The following MED13 variants were observed in gnomAD, a reference collection of about 807,000 sequenced individuals.
The protein encoded by MED13 is mediator of RNA polymerase II transcription subunit 13.
In MED13, 23 loss-of-function variants were observed where a neutral mutation model predicts 225.2. The observed-to-expected ratio is 0.10, with a 90% CI of 0.07 to 0.14. The LOEUF (loss-of-function observed/expected upper bound fraction) is 0.14, where lower values mean the gene tolerates loss of function less well. Among genes scored for constraint, MED13 ranks in the 10% least tolerant of loss-of-function variants. MED13 has a pLI of 1.00. For missense variants in MED13, 2,197 were observed against 2,594.5 expected, an observed-to-expected ratio of 0.85 and a Z score of 3.33; for synonymous variants, 942 against 889.2, an observed-to-expected ratio of 1.06 and a Z score of -1.06.
chr17:62,046,073 A>G (rs1046505513), intron 3 of MED13, among the ~76,000 whole-genome samples: 5 of 152,228 alleles, frequency 3.3e-5, no homozygotes, highest in African/African-American at 7.2e-5. Flanking sequence ...CAGAATACTT[A>G]TACCAAAAGT....
chr17:62,063,976 C>A (rs77756374), intron 1 of MED13, among the ~76,000 whole-genome samples: 1 of 152,044 alleles, frequency 6.6e-6, no homozygotes, highest in Non-Finnish European at 1.5e-5. Context: ...ATACTGTAGA[C>A]GAGGATAGAG....
chr17:62,021,456 C>T (rs1474487773), intron 8 of MED13, among the ~76,000 whole-genome samples: 1 of 151,434 alleles, frequency 6.6e-6, no homozygotes, highest in Non-Finnish European at 1.5e-5. Flanking sequence ...GGCGGCTGGC[C>T]GGGCAGAGGG....
At chr17:62,030,117 C>G in intron 6 of MED13, 104 bp from the exon 7 acceptor site, 1 of 1,056,834 alleles carries the variant, frequency 9.5e-7, no homozygotes, top group Non-Finnish European at 1.3e-6. Flanking sequence ...CTCCAGCTAT[C>G]TGGTAAAATT....
chr17:61,956,570 T>A (rs2079946799), intron 23 of MED13, 89 bp from the exon 24 acceptor site: 1 of 1,330,336 alleles, frequency 7.5e-7, no homozygotes, highest in Admixed American at 2.1e-5. Flanking sequence ...AGTCTCACTC[T>A]GTCACCCAGG....
chr17:62,062,600 CCA>C (rs58730188), intron 2 of MED13, among the ~76,000 whole-genome samples: 22,078 of 136,126 alleles, frequency 0.16, 1,881 homozygotes, highest in Middle Eastern at 0.21. Flanking sequence ...CACACACACA[CCA>C]CACACACACA....
chr17:62,032,258 G>C (rs1021212832), intron 5 of MED13: 1 of 151,918 alleles, frequency 6.6e-6, no homozygotes, highest in African/African-American at 2.4e-5. Context: ...TGGGTCATTT[G>C]AAGTCAGGAG....
Position 61,955,849 on chromosome 17 carries a change from C to G in MED13, c.5624-11G>C. The G allele has an allele frequency of 3.5e-6, 1 of 284,762 alleles. No individual in the cohort carries two copies. Among genetic ancestry groups the G allele is most frequent in the Non-Finnish European group, 5.6e-6 (1 of 179,716 alleles). 17.6% of individuals were successfully genotyped at this position (284,762 alleles called of 1,614,324 possible). On this transcript the variant is annotated splice_polypyrimidine_tract_variant and intron_variant, in intron 24 of 29. Transcript: ENST00000397786. Reference sequence around the variant, plus strand: ...GCAAACAGCTCCAATCTGTGGGTATCAACAGTAAAAAAAAAAAAAAAAAAA... The same window carrying G: ...GCAAACAGCTCCAATCTGTGGGTATGAACAGTAAAAAAAAAAAAAAAAAAA...
chr17:62,035,350 T>C, intron 4 of MED13, 113 bp downstream of exon 4: 1 of 929,790 alleles, frequency 1.1e-6, no homozygotes, highest in Non-Finnish European at 1.5e-6. Flanking sequence ...ATCAAAATCA[T>C]CATTAGGCTA....
In MED13 at chr17:61,998,953, G is replaced by A. The variant is rs115154062; in HGVS notation, c.1968-3588C>T. Among the ~76,000 whole-genome samples, 968 of 110,574 alleles carry A rather than the reference G, an allele frequency of 8.8e-3. 13 individuals are homozygous for A. Among genetic ancestry groups the A allele is most frequent in the African/African-American group, 0.032 (926 of 28,980 alleles). 72.5% of individuals were successfully genotyped at this position (110,574 alleles called of 152,430 possible). A position where few individuals can be genotyped will look rare whatever the true frequency, so the allele number is the denominator to read the frequency against. On this transcript the variant is annotated intron_variant, in intron 9 of 29. Coordinates refer to ENST00000397786, the MANE Select transcript of MED13 (RefSeq NM_005121.3). ...TTTTTTTTTTTTTTTTTTTTTTACCGTCTCCTATATTCAGAATCAATCCCT... is the reference window on the plus strand; with the variant it reads ...TTTTTTTTTTTTTTTTTTTTTTACCATCTCCTATATTCAGAATCAATCCCT...
chr17:61,953,175 G>T, intron 26 of MED13, 62 bp from the exon 27 acceptor site: 2 of 1,505,748 alleles, frequency 1.3e-6, no homozygotes, highest in Non-Finnish European at 1.8e-6. Context: ...GTCATTCACA[G>T]GAAAGGGTCA....
intron 3 of MED13, among the ~76,000 whole-genome samples, chr17:62,049,086 A>AAAAAAAAAAAAAAAAAAG: frequency 6.6e-6 from 1 of 150,476 alleles, no homozygotes; most frequent in African/African-American, 2.5e-5. Flanking sequence ...GACAAAAAAA[A>AAAAAAAAAAAAAAAAAAG]AAAAAAAAAG....
chr17:62,053,727 G>A (rs1473090722), intron 2 of MED13, among the ~76,000 whole-genome samples: 1 of 152,062 alleles, frequency 6.6e-6, no homozygotes, highest in Non-Finnish European at 1.5e-5. Flanking sequence ...AAAGACAAAC[G>A]TTTCTCAATT....
intron 8 of MED13, among the ~76,000 whole-genome samples, chr17:62,023,222 T>C (rs972983482): frequency 6.6e-6 from 1 of 152,202 alleles, no homozygotes; most frequent in South Asian, 2.1e-4. Flanking sequence ...GAATTTTTTT[T>C]CTTCCCAAAT....
intron 16 of MED13, among the ~76,000 whole-genome samples, chr17:61,975,272 C>T (rs564551922): frequency 1.3e-5 from 2 of 152,108 alleles, no homozygotes; most frequent in South Asian, 2.1e-4. Flanking sequence ...ACATAAAAAC[C>T]TAATTTTAAA....
chr17:62,013,145 A>G (rs990156005), intron 8 of MED13, among the ~76,000 whole-genome samples: 4 of 152,188 alleles, frequency 2.6e-5, no homozygotes, highest in Non-Finnish European at 4.4e-5. Context: ...GAGAAAAAAA[A>G]GAACCAAAGT....
chr17:61,992,210 A>G (rs565918163), intron 11 of MED13, among the ~76,000 whole-genome samples: 2 of 152,326 alleles, frequency 1.3e-5, no homozygotes, highest in South Asian at 2.1e-4. Flanking sequence ...TTTCCAGTCA[A>G]TATGTGCCTT....
At chr17:61,951,968 G>C (rs984188369) in intron 27 of MED13, among the ~76,000 whole-genome samples, 2 of 151,986 alleles carry the variant, frequency 1.3e-5, no homozygotes, top group African/African-American at 4.8e-5. Context: ...TGCGATCTCG[G>C]CTCACTGCAA....
chr17:61,959,729 T>G (rs2079981451), intron 23 of MED13, among the ~76,000 whole-genome samples: 1 of 145,514 alleles, frequency 6.9e-6, no homozygotes, highest in South Asian at 2.2e-4. Flanking sequence ...CCCAAATCTT[T>G]TTTTTTTTTT....
chr17:62,049,757 C>T (rs1439986857), intron 3 of MED13, among the ~76,000 whole-genome samples: 1 of 151,732 alleles, frequency 6.6e-6, no homozygotes, highest in African/African-American at 2.4e-5. Flanking sequence ...GGTGAAACCC[C>T]ATCTCTACTA....
Sources: allele counts gnomAD v4.1 joint callset (sites outside exome capture counted in the v4.1 genomes callset), GRCh38; gene constraint gnomAD v4.1.1; transcripts MANE v1.5; gene names NCBI Gene and HGNC (gene_info 2026-07-23, HGNC 2026-07-21).